CACNA1D: variants seen among roughly 807,000 people sequenced by gnomAD.
CACNA1D encodes the protein voltage-dependent L-type calcium channel subunit alpha-1D.
CACNA1D carries 55 observed loss-of-function variants against 257.1 expected under a neutral mutation model. The observed-to-expected ratio is 0.21, with a 90% confidence interval of 0.17 to 0.27. CACNA1D has a LOEUF of 0.27. Ranked by LOEUF, CACNA1D falls within the 10% of genes least tolerant of loss-of-function variation. CACNA1D has a pLI of 1.00. For missense variants in CACNA1D, 1,876 were observed against 2,784.0 expected, an observed-to-expected ratio of 0.67 and a Z score of 7.34; for synonymous variants, 980 against 1,014.9, an observed-to-expected ratio of 0.97 and a Z score of 0.65.
In CACNA1D at chr3:53,808,655, G is replaced by T; in HGVS notation, c.5756G>T (p.Arg1919Leu). The T allele has an allele frequency of 6.2e-7, 1 of 1,608,066 alleles. No individual in the cohort carries two copies. Residue 1919 changes from arginine to leucine, a missense_variant, in exon 46 of 48, where the codon CGG (arginine) becomes CTG (leucine). This residue lies in a region of CACNA1D where 491 missense variants were observed against 554.3 expected (regional missense o/e 0.89). Transcript: ENST00000350061. ...ATGCCCTTTGCTTTCCCAGCCCACC[G>T]GAGATCCTCCTTCAACTTTGAGTGC... ...RLLPPTPASH[R>L]RSSFNFECLR...
At chr3:53,791,271 C>T (rs41276543) in intron 40 of CACNA1D, 15,506 of 491,118 alleles carry the variant, frequency 0.032, 473 homozygotes, top group African/African-American at 0.1. Context: ...TGAAAGGGAA[C>T]GTACAAAGCT....
At chr3:53,570,090 G>T (rs777211325) in intron 3 of CACNA1D, among the ~76,000 whole-genome samples, 1 of 152,132 alleles carries the variant, frequency 6.6e-6, no homozygotes, top group African/African-American at 2.4e-5. Context: ...AATACTGGCC[G>T]TTGGTCTTTG....
Position 53,666,403 on chromosome 3 carries a change from C to T in CACNA1D, c.984C>T (p.Ala328=). Residue 328 remains alanine (A), a synonymous_variant, in exon 7 of 48, where the codon GCC becomes GCT. Coordinates refer to ENST00000350061, the MANE Select transcript of CACNA1D (RefSeq NM_001128840.3). ...CAGGGAATGGACGCCAGTGTACTGCCAATGGCACGGAATGTAGGAGTGGCT... is the reference window on the plus strand; with the variant it reads ...CAGGGAATGGACGCCAGTGTACTGCTAATGGCACGGAATGTAGGAGTGGCT... ...AFSGNGRQCT[A]NGTECRSGWV... is the part of the protein sequence containing the mutation. 2 of 1,614,190 alleles carry T rather than the reference C, an allele frequency of 1.2e-6. No individual in the cohort carries two copies. The highest frequency in any genetic ancestry group is 1.7e-6 in the Non-Finnish European group (2 of 1,180,020).
At chr3:53,701,181 G>A (rs1208902480) in intron 8 of CACNA1D, among the ~76,000 whole-genome samples, 1 of 152,110 alleles carries the variant, frequency 6.6e-6, no homozygotes, top group Non-Finnish European at 1.5e-5. Context: ...TTGCTCTGTT[G>A]CCCAGGCTGG....
rs140060450 is a variant in CACNA1D, at chr3:53,766,421, A to G, written c.3871-3552A>G. Among the ~76,000 whole-genome samples the G allele has an allele frequency of 4.6e-3, 702 of 152,346 alleles. 4 individuals are homozygous for G. Among genetic ancestry groups the G allele is most frequent in the African/African-American group, 0.016 (660 of 41,572 alleles). On this transcript the variant is annotated intron_variant, in intron 30 of 47. Transcript: ENST00000350061. ...CAGAGGGAAGACTGGCTTCTCCGCA[A>G]TGCCTCGGGTTACCTGGCCCAGCTG... is the stretch of plus-strand genomic sequence containing the variant.
chr3:53,762,106 C>T, intron 30 of CACNA1D, 25 bp downstream of exon 30: 2 of 1,408,980 alleles, frequency 1.4e-6, no homozygotes, highest in Non-Finnish European at 2.0e-6. Context: ...GGCGTGGCCG[C>T]CACCTGTGTC....
chr3:53,687,341 C>A (rs1261645048), intron 8 of CACNA1D, among the ~76,000 whole-genome samples: 1 of 151,936 alleles, frequency 6.6e-6, no homozygotes, highest in Non-Finnish European at 1.5e-5. Context: ...AGAAGGAGGG[C>A]TTATACTGCT....
In CACNA1D at chr3:53,743,027, C is replaced by T; in HGVS notation, c.2828C>T (p.Ala943Val). The T allele has an allele frequency of 1.9e-6, 3 of 1,611,754 alleles. No homozygotes were observed. The highest frequency in any genetic ancestry group is 2.5e-6 in the Non-Finnish European group (3 of 1,177,854). The change falls in exon 22 of 48, where the codon GCT (alanine) becomes GTT (valine). Residue 943 changes from alanine to valine, a missense_variant. By Grantham distance (64) the Ala-to-Val change is moderately conservative. This residue lies in a region of CACNA1D where 271 missense variants were observed against 425.5 expected (regional missense o/e 0.64). Coordinates refer to ENST00000350061, the MANE Select transcript of CACNA1D (RefSeq NM_001128840.3). ...TGCTTCTAGATGACAACTTTTGGAG[C>T]TTTCCTCCACAAAGGGGCCTTCTGC... is the stretch of plus-strand genomic sequence containing the variant. ...EILLKMTTFG[A>V]FLHKGAFCRN...
intron 3 of CACNA1D, among the ~76,000 whole-genome samples, chr3:53,648,335 G>T (rs1369510514): frequency 2.0e-5 from 3 of 152,180 alleles, no homozygotes; most frequent in Admixed American, 2.0e-4. Context: ...GGTGGTCAGG[G>T]TCTGATGTGA....
At chr3:53,755,701 C>T (rs1173415534) in intron 29 of CACNA1D, among the ~76,000 whole-genome samples, 8 of 152,034 alleles carry the variant, frequency 5.3e-5, no homozygotes, top group African/African-American at 9.7e-5. Context: ...ACTGTCACTG[C>T]GTTCCCCCCG....
intron 15 of CACNA1D, among the ~76,000 whole-genome samples, chr3:53,728,917 T>C (rs369434859): frequency 2.0e-5 from 3 of 152,336 alleles, no homozygotes; most frequent in East Asian, 3.9e-4. Context: ...ATACAGATGA[T>C]GGATTTTGCT....
chr3:53,596,307 T>G (rs1034650948), intron 3 of CACNA1D, among the ~76,000 whole-genome samples: 1 of 152,066 alleles, frequency 6.6e-6, no homozygotes, highest in Non-Finnish European at 1.5e-5. Flanking sequence ...TGTGTGCATG[T>G]GCATGTGTAC....
chr3:53,694,971 G>A (rs904580778), intron 8 of CACNA1D, among the ~76,000 whole-genome samples: 2 of 152,180 alleles, frequency 1.3e-5, no homozygotes, highest in African/African-American at 4.8e-5. Flanking sequence ...TCTTTTGGGG[G>A]CTGGATGAGT....
At position 53,805,085 on chromosome 3, in the gene CACNA1D, G is replaced by C. The variant is rs538758473; in HGVS notation, c.5688G>C (p.Ser1896=). Residue 1896 remains serine (S), a synonymous_variant, in exon 45 of 48, where the codon TCG becomes TCC. Coordinates refer to ENST00000350061, the MANE Select transcript of CACNA1D (RefSeq NM_001128840.3). ...AAGGATTCTTGGAGGACGATGACTCGCCCGTTTGCTATGATTCACGGAGAT... is the reference window on the plus strand; with the variant it reads ...AAGGATTCTTGGAGGACGATGACTCCCCCGTTTGCTATGATTCACGGAGAT... The part of the protein sequence containing the change: ...HPQGFLEDDD[S]PVCYDSRRSP... The C allele has an allele frequency of 6.2e-7, 1 of 1,613,912 alleles. No individual in the cohort carries two copies. The highest frequency in any genetic ancestry group is 8.5e-7 in the Non-Finnish European group (1 of 1,179,996).
chr3:53,691,866 T>C (rs1481204225), intron 8 of CACNA1D, among the ~76,000 whole-genome samples: 57 of 109,336 alleles, frequency 5.2e-4, no homozygotes, highest in East Asian at 3.7e-3. Flanking sequence ...ATATATATTA[T>C]ATATATTACA....
At chr3:53,574,659 C>G (rs1339526934) in intron 3 of CACNA1D, among the ~76,000 whole-genome samples, 1 of 151,846 alleles carries the variant, frequency 6.6e-6, no homozygotes, top group Admixed American at 6.6e-5. Context: ...ATCTCCCCCA[C>G]CCCCAGCACA....
intron 3 of CACNA1D, among the ~76,000 whole-genome samples, chr3:53,635,638 G>C (rs2093874418): frequency 6.6e-6 from 1 of 152,132 alleles, no homozygotes; most frequent in African/African-American, 2.4e-5. Context: ...AGACAGTGCT[G>C]TTGGATCTCT....
Position 53,751,710 on chromosome 3 carries a change from T to A in CACNA1D, c.3517-39T>A. ...CCACGGGGTCCTCCTTCCCTGCAAG[T>A]GCTCAGAACCCCGTTTCTGCCCTTT... On this transcript the variant is annotated intron_variant, in intron 27 of 47. Coordinates refer to ENST00000350061, the MANE Select transcript of CACNA1D (RefSeq NM_001128840.3). This position sits in a 1 kb window ranked among gnomAD's most constrained non-coding sequence, Gnocchi z 4.3. 6.2e-7 allele frequency: 1 copy of A among 1,611,998 alleles called. No individual in the cohort carries two copies. The highest frequency in any genetic ancestry group is 8.5e-7 in the Non-Finnish European group (1 of 1,178,170).
Position 53,751,678 on chromosome 3 carries a change from C to A in CACNA1D, c.3517-71C>A, listed in dbSNP as rs1314995249. 1.1e-5 allele frequency: 16 copies of A among 1,508,734 alleles called. No homozygotes were observed. Among genetic ancestry groups the A allele is most frequent in the Non-Finnish European group, 1.4e-5 (15 of 1,085,160 alleles). 93.5% of individuals were successfully genotyped at this position (1,508,734 alleles called of 1,614,324 possible). On this transcript the variant is annotated intron_variant, in intron 27 of 47. Transcript: ENST00000350061. The surrounding 1 kb of genome is among the most constrained non-coding windows in gnomAD (Gnocchi z 4.3). ...AGCTGTAGGGTGAGCTCTTTCAGAG[C>A]AGATGACCACGGGGTCCTCCTTCCC...
Sources: allele counts gnomAD v4.1 joint callset (sites outside exome capture counted in the v4.1 genomes callset), GRCh38; gene constraint gnomAD v4.1.1; regional missense constraint gnomAD v4.1.1; non-coding constraint Gnocchi (gnomAD v3.1); transcripts MANE v1.5; gene names NCBI Gene and HGNC (gene_info 2026-07-23, HGNC 2026-07-21).